TMEM181: variants seen among roughly 807,000 people sequenced by gnomAD.
TMEM181 encodes the protein G protein-coupled receptor 178.
In TMEM181, 39 loss-of-function variants were observed where a neutral mutation model predicts 71.9. That is an observed-to-expected ratio of 0.54 (90% CI 0.42 to 0.71). TMEM181 has a LOEUF of 0.71. TMEM181 is among the 30% of genes least tolerant of loss of function. The pLI is 0.00. For synonymous variants in TMEM181, 245 were observed against 228.8 expected (o/e 1.07, Z -0.64); for missense variants, 595 against 583.0 (o/e 1.02, Z -0.21).
intron 10 of TMEM181, 81 bp from the exon 11 acceptor site, chr6:158,623,469 C>G: frequency 9.8e-7 from 1 of 1,018,828 alleles, no homozygotes; most frequent in Non-Finnish European, 1.4e-6. Context: ...GTAAAAAAAA[C>G]AAAAAGTCAA....
Position 158,580,825 on chromosome 6 carries a change from A to G in TMEM181, c.113-115A>G. On this transcript the variant is annotated intron_variant, in intron 2 of 16. Coordinates refer to ENST00000684151, the MANE Select transcript of TMEM181 (RefSeq NM_001376852.1). Reference sequence around the variant, plus strand: ...ATTGTATAATCTCTAAAGAAAAACCAGGTGAATTAAGGTCATCTCCGTGTA... The same window carrying G: ...ATTGTATAATCTCTAAAGAAAAACCGGGTGAATTAAGGTCATCTCCGTGTA... The G allele has an allele frequency of 1.8e-5, 15 of 851,430 alleles. 1 individual carries two copies. The South Asian group carries it at 2.6e-4, about 15-fold the overall frequency. 52.7% of individuals were successfully genotyped at this position (851,430 alleles called of 1,614,324 possible). A position where few individuals can be genotyped will look rare whatever the true frequency, so the allele number is the denominator to read the frequency against.
intron 4 of TMEM181, among the ~76,000 whole-genome samples, 181 bp from the exon 5 acceptor site, chr6:158,585,123 C>CT (rs1783691184): frequency 6.6e-6 from 1 of 152,094 alleles, no homozygotes; most frequent in African/African-American, 2.4e-5. Flanking sequence ...GGGTTGGAAT[C>CT]TAATGGAAAG....
chr6:158,605,156 G>GTGTGTA lies in TMEM181; in HGVS notation c.493-108_493-107insGTATGT, dbSNP rs1268791113. 7.4e-5 allele frequency: 42 copies of GTGTGTA among 568,870 alleles called. 2 individuals are homozygous for GTGTGTA. Among genetic ancestry groups the GTGTGTA allele is most frequent in the Non-Finnish European group, 1.1e-4 (35 of 321,282 alleles). The allele number at this position is 568,870 out of a possible 1,614,324, so 35.2% of individuals were successfully genotyped here. A position where few individuals can be genotyped will look rare whatever the true frequency, so the allele number is the denominator to read the frequency against. ...AGTGTGTGTGTGTGTGTGTGTGTGT[G>GTGTGTA]TGTATGTGTATATATTGTCTCATCT... On this transcript the variant is annotated intron_variant, in intron 6 of 16. Coordinates refer to ENST00000684151, the MANE Select transcript of TMEM181 (RefSeq NM_001376852.1).
At chr6:158,626,729 G>A (rs80044390) in intron 13 of TMEM181, 10 of 456,600 alleles carry the variant, frequency 2.2e-5, no homozygotes, top group East Asian at 7.0e-5. Context: ...TCTCTGTGAC[G>A]TCTCATACAC....
upstream of TMEM181, chr6:158,560,046 G>T (rs541726229): frequency 1.9e-3 from 1,865 of 985,168 alleles, 3 homozygotes; most frequent in Non-Finnish European, 2.1e-3. Context: ...CTCTTCCGCC[G>T]TGAGAGTCGC....
intron 1 of TMEM181, among the ~76,000 whole-genome samples, chr6:158,563,845 G>A (rs751602112): frequency 6.6e-6 from 1 of 152,038 alleles, no homozygotes; most frequent in African/African-American, 2.4e-5. Flanking sequence ...GCAATGGTGC[G>A]ATCTCAGCTC....
chr6:158,616,613 C>G (rs537969543), intron 10 of TMEM181, among the ~76,000 whole-genome samples: 5 of 152,244 alleles, frequency 3.3e-5, no homozygotes, highest in Admixed American at 2.0e-4. Context: ...ATGATATTGG[C>G]TGTGGGTTTG....
At chr6:158,625,808 C>A in intron 13 of TMEM181, 54 bp downstream of exon 13, 1 of 1,493,608 alleles carries the variant, frequency 6.7e-7, no homozygotes, top group South Asian at 1.2e-5. Context: ...CTTTTACTGT[C>A]AGGAATATCT....
At chr6:158,562,734 C>G (rs561235503) in intron 1 of TMEM181, among the ~76,000 whole-genome samples, 1 of 152,158 alleles carries the variant, frequency 6.6e-6, no homozygotes, top group African/African-American at 2.4e-5. Context: ...AGGACTTTGT[C>G]TCATGGAATG....
exon 1 of TMEM181, chr6:158,536,765 C>G (rs1313817679): frequency 1.3e-6 from 2 of 1,576,374 alleles, no homozygotes; most frequent in Non-Finnish European, 1.7e-6. Flanking sequence ...CTTTGAGCCC[C>G]CGCTCTGCAG....
At chr6:158,627,082 C>T (rs1177560879) in intron 13 of TMEM181, among the ~76,000 whole-genome samples, 5 of 106,410 alleles carry the variant, frequency 4.7e-5, no homozygotes, top group Non-Finnish European at 1.0e-4. Flanking sequence ...CTGACACACC[C>T]TCACCCTCAC....
chr6:158,581,976 GTA>G (rs1783509115), intron 3 of TMEM181, among the ~76,000 whole-genome samples: 1 of 151,962 alleles, frequency 6.6e-6, no homozygotes, highest in Admixed American at 6.6e-5. Flanking sequence ...AAATCTGATT[GTA>G]TGACCCCAAA....
At chr6:158,563,625 C>T (rs1176778165) in intron 1 of TMEM181, among the ~76,000 whole-genome samples, 1 of 152,230 alleles carries the variant, frequency 6.6e-6, no homozygotes, top group Non-Finnish European at 1.5e-5. Context: ...GACCTACTTC[C>T]TTGTTCCCTG....
At chr6:158,594,120 T>TCC (rs145674584) in intron 6 of TMEM181, among the ~76,000 whole-genome samples, 1 of 139,694 alleles carries the variant, frequency 7.2e-6, no homozygotes, top group East Asian at 2.2e-4. Context: ...TTTTTTTTTT[T>TCC]CTGAGACAGA....
intron 5 of TMEM181, among the ~76,000 whole-genome samples, chr6:158,589,362 T>C (rs1394861149): frequency 2.0e-5 from 3 of 152,262 alleles, no homozygotes; most frequent in Non-Finnish European, 4.4e-5. Flanking sequence ...TCTAGTGTTA[T>C]ATATTTATGG....
Position 158,631,865 on chromosome 6 carries a change from A to G in TMEM181, c.1405A>G (p.Lys469Glu), listed in dbSNP as rs1786684659. 1.3e-6 allele frequency: 2 copies of G among 1,596,760 alleles called. No individual in the cohort carries two copies. The highest frequency in any genetic ancestry group is 1.1e-5 in the South Asian group (1 of 88,014). ...CGGCCAGGCCATCCGGGCCAAGTAC[A>G]AGGAGGAGTCAGATAGTGACTGAGC... ...QNGQAIRAKY[K>E]EESDSD Residue 469 changes from lysine to glutamate, a missense_variant, in exon 17 of 17, where the codon AAG becomes GAG. Physicochemically the swap from Lys to Glu is moderately conservative, Grantham distance 56. Transcript: ENST00000684151.
chr6:158,624,688 G>A (rs936926372), intron 11 of TMEM181, among the ~76,000 whole-genome samples: 17 of 152,232 alleles, frequency 1.1e-4, no homozygotes, highest in African/African-American at 2.7e-4. Context: ...TGGTTAAGAC[G>A]GCGCGTGGAT....
intron 2 of TMEM181, among the ~76,000 whole-genome samples, chr6:158,577,447 A>G (rs1783227710): frequency 6.6e-6 from 1 of 152,128 alleles, no homozygotes; most frequent in African/African-American, 2.4e-5. Context: ...AGACTGAGGG[A>G]CCTTTGGGAC....
At chr6:158,548,396 G>C (rs76896196) in intron 1 of TMEM181, among the ~76,000 whole-genome samples, 1 of 152,114 alleles carries the variant, frequency 6.6e-6, no homozygotes, top group East Asian at 1.9e-4. Flanking sequence ...AATCTTGCCC[G>C]GTAACTCATA....
Sources: gnomAD v4.1 joint callset for allele counts (sites outside exome capture counted in the v4.1 genomes callset) on GRCh38, gnomAD v4.1.1 for gene constraint, MANE v1.5 for transcripts, NCBI Gene and HGNC (gene_info 2026-07-23, HGNC 2026-07-21) for gene names.